ANO4: variants seen among roughly 807,000 people sequenced by gnomAD.
ANO4 encodes anoctamin 4.
A neutral mutation model predicts 141.9 loss-of-function variants in ANO4; 69 were observed. The ratio of observed to expected loss-of-function variants is 0.49; its 90% CI spans 0.40 to 0.59. The LOEUF is 0.59. Among genes scored for constraint, ANO4 ranks in the 20% least tolerant of loss-of-function variants. The pLI is 0.00. For synonymous variants in ANO4, 350 were observed against 394.3 expected, an observed-to-expected ratio of 0.89 and a Z score of 1.33; for missense variants, 894 against 1,162.2, an observed-to-expected ratio of 0.77 and a Z score of 3.36.
At chr12:101,087,811 T>A (rs926823361) in intron 17 of ANO4, among the ~76,000 whole-genome samples, 3 of 152,114 alleles carry the variant, frequency 2.0e-5, no homozygotes, top group Non-Finnish European at 4.4e-5. Context: ...TCTACTGGAC[T>A]CCTCTATTTC....
chr12:100,806,775 C>T (rs961104150), intron 1 of ANO4, among the ~76,000 whole-genome samples: 1 of 151,646 alleles, frequency 6.6e-6, no homozygotes, highest in Admixed American at 6.6e-5. Flanking sequence ...GAACTGCTGA[C>T]CTCTTATCTG....
At chr12:100,977,169 ATAAT>A (rs1200169812) in intron 7 of ANO4, among the ~76,000 whole-genome samples, 13 of 152,322 alleles carry the variant, frequency 8.5e-5, no homozygotes, top group East Asian at 3.9e-4. Flanking sequence ...AATACATGTA[ATAAT>A]TAATAATTAC....
intron 9 of ANO4, among the ~76,000 whole-genome samples, chr12:101,026,854 TAAAAG>T (rs144305789): frequency 0.15 from 23,041 of 151,906 alleles, 2,049 homozygotes; most frequent in East Asian, 0.24. Context: ...GCATAATTCA[TAAAAG>T]AAGAAAAAAA....
chr12:101,027,291 GCA>G (rs1418701334), intron 9 of ANO4, among the ~76,000 whole-genome samples: 2 of 152,204 alleles, frequency 1.3e-5, no homozygotes, highest in African/African-American at 4.8e-5. Flanking sequence ...CCCCAGAGCT[GCA>G]CAGATTCTCA....
intron 3 of ANO4, among the ~76,000 whole-genome samples, chr12:100,748,295 G>T (rs187309985): frequency 2.0e-5 from 3 of 152,288 alleles, no homozygotes; most frequent in South Asian, 4.1e-4. Flanking sequence ...ATAGAGTGCC[G>T]CAGACAGTGA....
intron 1 of ANO4, among the ~76,000 whole-genome samples, chr12:100,881,989 T>A (rs577281416): frequency 6.6e-6 from 1 of 152,270 alleles, no homozygotes; most frequent in Admixed American, 6.5e-5. Flanking sequence ...ATTCTAAAAG[T>A]GGTATTGACA....
At chr12:100,940,544 G>T (rs1187431222) in intron 4 of ANO4, among the ~76,000 whole-genome samples, 1 of 152,198 alleles carries the variant, frequency 6.6e-6, no homozygotes, top group Non-Finnish European at 1.5e-5. Context: ...GTAGACTCCT[G>T]AGTGTCTCTT....
At chr12:100,913,376 G>A (rs1326404685) in intron 2 of ANO4, among the ~76,000 whole-genome samples, 1 of 152,202 alleles carries the variant, frequency 6.6e-6, no homozygotes, top group Admixed American at 6.5e-5. Context: ...TATTTTAGAA[G>A]CTTGAAGAGA....
rs528701874 is a variant in ANO4, at chr12:101,128,585, A to G, written c.*729A>G. The G allele has an allele frequency of 6.5e-6, 1 of 152,800 alleles. No homozygotes were observed. Among genetic ancestry groups the G allele is most frequent in the South Asian group, 2.1e-4 (1 of 4,830 alleles). The allele number at this position is 152,800 out of a possible 1,614,324, so 9.5% of individuals were successfully genotyped here. A position where few individuals can be genotyped will look rare whatever the true frequency, so the allele number is the denominator to read the frequency against. On this transcript the variant is annotated 3_prime_UTR_variant, in exon 28 of 28. Transcript: ENST00000392977. ...ATATGAAGCCATGATTAATGCTTGT[A>G]TAATGTGATGCAATAAAATTTAAAA...
intron 7 of ANO4, chr12:100,987,285 G>C: frequency 2.4e-6 from 1 of 417,216 alleles, no homozygotes; most frequent in South Asian, 2.9e-5. Flanking sequence ...TTTATTATTG[G>C]CATGTGGGTG....
intron 4 of ANO4, among the ~76,000 whole-genome samples, chr12:100,939,840 T>C (rs1051038989): frequency 1.3e-5 from 2 of 152,150 alleles, no homozygotes; most frequent in Non-Finnish European, 2.9e-5. Flanking sequence ...TTGTCTGAAG[T>C]CTCTCTGAGT....
At chr12:100,803,242 G>A (rs1198019366) in intron 1 of ANO4, among the ~76,000 whole-genome samples, 1 of 152,160 alleles carries the variant, frequency 6.6e-6, no homozygotes, top group Non-Finnish European at 1.5e-5. Context: ...AGAAATGGTG[G>A]GATCACCCAT....
At chr12:100,771,219 C>T (rs982086290) in intron 3 of ANO4, among the ~76,000 whole-genome samples, 4 of 143,140 alleles carry the variant, frequency 2.8e-5, no homozygotes, top group African/African-American at 6.1e-5. Flanking sequence ...CATGGCAGAC[C>T]TGTTCATCAG....
intron 1 of ANO4, among the ~76,000 whole-genome samples, chr12:100,856,025 A>G (rs2038146593): frequency 6.6e-6 from 1 of 152,154 alleles, no homozygotes; most frequent in African/African-American, 2.4e-5. Context: ...TCCCTGTACA[A>G]AGGGAGGCTG....
intron 1 of ANO4, among the ~76,000 whole-genome samples, chr12:100,819,772 T>G (rs2135731809): frequency 6.6e-6 from 1 of 152,086 alleles, no homozygotes; most frequent in Non-Finnish European, 1.5e-5. Flanking sequence ...AAAACTGTGA[T>G]GAAAGCATGC....
At chr12:100,764,162 C>T (rs2032985056) in intron 3 of ANO4, among the ~76,000 whole-genome samples, 1 of 152,206 alleles carries the variant, frequency 6.6e-6, no homozygotes, top group African/African-American at 2.4e-5. Flanking sequence ...AATTTCATTA[C>T]ATTAATAACA....
intron 1 of ANO4, among the ~76,000 whole-genome samples, chr12:100,874,836 C>T (rs2039215567): frequency 1.3e-5 from 2 of 152,004 alleles, no homozygotes; most frequent in Admixed American, 1.3e-4. Flanking sequence ...TTTAAGCTGC[C>T]CTGCTTGGTT....
At position 101,083,832 on chromosome 12, in the gene ANO4, A is replaced by T. The variant is rs777032038; in HGVS notation, c.1536+14A>T. The T allele has an allele frequency of 7.8e-6, 12 of 1,542,250 alleles. No homozygotes were observed. Among genetic ancestry groups the T allele is most frequent in the Non-Finnish European group, 1.0e-5 (12 of 1,151,420 alleles). On this transcript the variant is annotated intron_variant, in intron 16 of 27. Transcript: ENST00000392977. ...ATATTTTTTATGGTTTGAAACTTTT[A>T]AAAAAATATTTGTTTCATAAAATAC...
intron 5 of ANO4, among the ~76,000 whole-genome samples, chr12:100,969,439 C>T (rs1425977911): frequency 1.3e-5 from 2 of 152,196 alleles, no homozygotes; most frequent in African/African-American, 4.8e-5. Flanking sequence ...TTCAGCATCA[C>T]ACCAGTCTCT....
Sources: gnomAD v4.1 joint callset for allele counts (sites outside exome capture counted in the v4.1 genomes callset) on GRCh38, gnomAD v4.1.1 for gene constraint, MANE v1.5 for transcripts, NCBI Gene and HGNC (gene_info 2026-07-23, HGNC 2026-07-21) for gene names.